The following MFN1 variants were observed in gnomAD, a reference collection of about 807,000 sequenced individuals.
MFN1 encodes the protein mitofusin-1.
A neutral mutation model predicts 92.4 loss-of-function variants in MFN1; 65 were observed. The observed-to-expected ratio is 0.70, with a 90% CI of 0.58 to 0.86. The LOEUF is 0.86. MFN1 is among the 40% of genes least tolerant of loss of function. The pLI, the probability that MFN1 is intolerant of heterozygous loss-of-function variation, is 0.00. For missense variants in MFN1, 781 were observed against 868.0 expected, an observed-to-expected ratio of 0.90 and a Z score of 1.26; for synonymous variants, 297 against 300.9, an observed-to-expected ratio of 0.99 and a Z score of 0.13.
intron 10 of MFN1, among the ~76,000 whole-genome samples, chr3:179,375,953 C>A (rs773482992): frequency 1.2e-4 from 18 of 152,140 alleles, no homozygotes; most frequent in Non-Finnish European, 2.9e-5. Flanking sequence ...ACTTGGTATG[C>A]TTGAAACACA....
chr3:179,356,273 A>G (rs1361679857), intron 3 of MFN1, among the ~76,000 whole-genome samples: 1 of 152,156 alleles, frequency 6.6e-6, no homozygotes, highest in Non-Finnish European at 1.5e-5. Context: ...GTGGGGGAGG[A>G]CAGGCTGAAA....
At chr3:179,360,273 A>G (rs1319638581) in intron 4 of MFN1, among the ~76,000 whole-genome samples, 1 of 151,948 alleles carries the variant, frequency 6.6e-6, no homozygotes, top group Non-Finnish European at 1.5e-5. Flanking sequence ...TTGCTGTTTA[A>G]TCTCAAATTT....
intron 5 of MFN1, among the ~76,000 whole-genome samples, chr3:179,363,894 A>C (rs894197221): frequency 2.0e-5 from 3 of 152,234 alleles, no homozygotes; most frequent in Non-Finnish European, 4.4e-5. Context: ...TAAATGAATA[A>C]ATTTTTTAAC....
chr3:179,367,236 T>C (rs988434342), intron 7 of MFN1, among the ~76,000 whole-genome samples: 1 of 152,244 alleles, frequency 6.6e-6, no homozygotes, highest in African/African-American at 2.4e-5. Flanking sequence ...GAATTTTAAA[T>C]AGATGTTCAA....
Position 179,374,266 on chromosome 3 carries a change from G to A in MFN1, c.976-954G>A, listed in dbSNP as rs1021213489. ...TGCAGTGAGTCGAGATCATGCCATT[G>A]CACTCCAGCCTTGGTGACAGTGCAA... On this transcript the variant is annotated intron_variant, in intron 9 of 17. Coordinates refer to ENST00000471841, the MANE Select transcript of MFN1 (RefSeq NM_033540.3). 1.1e-4 allele frequency among the ~76,000 whole-genome samples: 17 copies of A among 149,072 alleles called. No homozygotes were observed. The South Asian group carries it at 3.6e-3, about 31-fold the overall frequency.
chr3:179,355,538 T>C (rs1247643880), intron 3 of MFN1, among the ~76,000 whole-genome samples: 5 of 152,168 alleles, frequency 3.3e-5, no homozygotes, highest in Non-Finnish European at 7.3e-5. Flanking sequence ...CTAGGAAATT[T>C]AGGAATTATT....
Position 179,377,427 on chromosome 3 carries a change from T to C in MFN1, c.1308T>C (p.Asp436=), listed in dbSNP as rs1713283307. ...GTTCAGAGTTTCATCCTAATCCAGA[T>C]GTATTAAAAATATATAAAAGTGTAA... The part of the protein sequence containing the change: ...EFCSEFHPNP[D]VLKIYKSELN... The change falls in exon 12 of 18, where the codon GAT becomes GAC. Residue 436 remains aspartate (D), a synonymous_variant. Coordinates refer to ENST00000471841, the MANE Select transcript of MFN1 (RefSeq NM_033540.3). 2 of 1,593,354 alleles carry C rather than the reference T, an allele frequency of 1.3e-6. No individual in the cohort carries two copies. The highest frequency in any genetic ancestry group is 2.2e-5 in the East Asian group (1 of 44,672).
At chr3:179,353,526 T>A (rs2108524467) in intron 3 of MFN1, among the ~76,000 whole-genome samples, 1 of 152,280 alleles carries the variant, frequency 6.6e-6, no homozygotes, top group East Asian at 1.9e-4. Context: ...GGTGATTTTC[T>A]TTAGTGTCTT....
rs1714042124 is a variant in MFN1 at position 179,394,840 on chromosome 3, T to G, written c.*2781T>G. ...CACATACACTTGTTTACTTTGTATG[T>G]TTGCAGGATTAAACTTTGTATAATC... On this transcript the variant is annotated 3_prime_UTR_variant, in exon 18 of 18. Coordinates refer to ENST00000471841, the MANE Select transcript of MFN1 (RefSeq NM_033540.3). 1 of 151,314 alleles carries G rather than the reference T, an allele frequency of 6.6e-6. No homozygotes were observed. Among genetic ancestry groups the G allele is most frequent in the African/African-American group, 2.5e-5 (1 of 40,634 alleles). The allele number at this position is 151,314 out of a possible 1,614,324, so 9.4% of individuals were successfully genotyped here.
rs376975158 is a variant in MFN1, at chr3:179,372,060, A to G, written c.976-3160A>G. Reference sequence around the variant, plus strand: ...TATATATATTATATATATTTATTATATATTATATATTATATAATACATATA... The same window carrying G: ...TATATATATTATATATATTTATTATGTATTATATATTATATAATACATATA... On this transcript the variant is annotated intron_variant, in intron 9 of 17. Coordinates refer to ENST00000471841, the MANE Select transcript of MFN1 (RefSeq NM_033540.3). Among the ~76,000 whole-genome samples the G allele has an allele frequency of 2.7e-4, 39 of 147,138 alleles. No homozygotes were observed. In the East Asian group the frequency reaches 6.2e-3, roughly 24 times the overall value.
chr3:179,364,487 C>CACG, intron 6 of MFN1, 82 bp downstream of exon 6: 4 of 1,126,294 alleles, frequency 3.6e-6, no homozygotes, highest in Non-Finnish European at 3.9e-6. Context: ...AAGGGAAATC[C>CACG]ATATCGTGGA....
chr3:179,371,978 CCT>C lies in MFN1; in HGVS notation c.976-3237_976-3236del, dbSNP rs910574241. 3.9e-4 allele frequency among the ~76,000 whole-genome samples: 58 copies of C among 149,150 alleles called. 1 individual carries two copies. Among genetic ancestry groups the C allele is most frequent in the Non-Finnish European group, 8.9e-5 (6 of 67,464 alleles). ...ACATAAGTATATATAAAAATATATG[CCT>C]CTCTTTATATATATGGGGGTCATAC... is the stretch of plus-strand genomic sequence containing the variant. On this transcript the variant is annotated intron_variant, in intron 9 of 17. Coordinates refer to ENST00000471841, the MANE Select transcript of MFN1 (RefSeq NM_033540.3).
At chr3:179,358,570 C>T (rs755337763) in intron 3 of MFN1, among the ~76,000 whole-genome samples, 2 of 152,098 alleles carry the variant, frequency 1.3e-5, no homozygotes, top group African/African-American at 2.4e-5. Flanking sequence ...AGAATTTTGA[C>T]CTGTGATTTC....
intron 3 of MFN1, among the ~76,000 whole-genome samples, chr3:179,354,017 C>T (rs1203309979): frequency 6.6e-6 from 1 of 152,212 alleles, no homozygotes; most frequent in Non-Finnish European, 1.5e-5. Context: ...TCACAAAGCT[C>T]TTATTTTATG....
chr3:179,385,759 T>C (rs781080289), intron 15 of MFN1, 38 bp downstream of exon 15: 1 of 1,591,470 alleles, frequency 6.3e-7, no homozygotes, highest in Admixed American at 1.7e-5. Flanking sequence ...AAAATCGAAA[T>C]GTTTGCAAGG....
At chr3:179,361,523 A>G (rs1019049053) in intron 4 of MFN1, among the ~76,000 whole-genome samples, 3 of 151,666 alleles carry the variant, frequency 2.0e-5, no homozygotes. Flanking sequence ...TGTGTACCCA[A>G]ATGTTTATCT....
intron 14 of MFN1, 95 bp from the exon 15 acceptor site, chr3:179,385,474 C>T: frequency 6.1e-6 from 7 of 1,139,466 alleles, no homozygotes; most frequent in East Asian, 5.3e-5. Flanking sequence ...TAATTTTTCC[C>T]TCATAGATGT....
intron 5 of MFN1, among the ~76,000 whole-genome samples, chr3:179,363,460 T>C (rs1712661600): frequency 6.6e-6 from 1 of 152,148 alleles, no homozygotes; most frequent in Admixed American, 6.6e-5. Context: ...AAAGAATAAA[T>C]GCTTGAGGTG....
rs1256072750 is a variant in MFN1 at position 179,394,378 on chromosome 3, G to A, written c.*2319G>A. 6.7e-6 allele frequency: 1 copy of A among 150,308 alleles called. No individual in the cohort carries two copies. The highest frequency in any genetic ancestry group is 1.5e-5 in the Non-Finnish European group (1 of 67,764). The allele number at this position is 150,308 out of a possible 1,614,324, so 9.3% of individuals were successfully genotyped here. A position where few individuals can be genotyped will look rare whatever the true frequency, so the allele number is the denominator to read the frequency against. On this transcript the variant is annotated 3_prime_UTR_variant, in exon 18 of 18. Transcript: ENST00000471841. ...AATTGTGAAAACATAATGAATGTTG[G>A]AAATGGAACAGTAAAATAACGAAAG...
Sources: allele counts gnomAD v4.1 joint callset (sites outside exome capture counted in the v4.1 genomes callset), GRCh38; gene constraint gnomAD v4.1.1; transcripts MANE v1.5; gene names NCBI Gene and HGNC (gene_info 2026-07-23, HGNC 2026-07-21).